HOMER3: variants seen among roughly 807,000 people sequenced by gnomAD.
HOMER3 encodes the protein homer scaffold protein 3, also known as homer protein homolog 3.
HOMER3 carries 34 observed loss-of-function variants against 45.5 expected under a neutral mutation model. That is an observed-to-expected ratio of 0.75 (90% CI 0.57 to 1.00). HOMER3 has a LOEUF of 1.00. Ranked by LOEUF, HOMER3 falls within the 50% of genes least tolerant of loss-of-function variation. HOMER3 has a pLI of 0.00. For missense variants in HOMER3, 480 were observed against 497.5 expected, an observed-to-expected ratio of 0.96 and a Z score of 0.33; for synonymous variants, 223 against 208.8, an observed-to-expected ratio of 1.07 and a Z score of -0.58.
In HOMER3 at chr19:18,938,887, G is replaced by A. The variant is rs1383028097; in HGVS notation, c.15-3C>T. Reference sequence around the variant, plus strand: ...GTGTGCTGAAGATTGGCTGCTCCCTGCGTGGGGAGAGGGTGTTTGGTGGGG... The same window carrying A: ...GTGTGCTGAAGATTGGCTGCTCCCTACGTGGGGAGAGGGTGTTTGGTGGGG... On this transcript the variant is annotated splice_polypyrimidine_tract_variant and splice_region_variant and intron_variant, in intron 2 of 9. Coordinates refer to ENST00000392351, the MANE Select transcript of HOMER3 (RefSeq NM_004838.4). The A allele has an allele frequency of 3.1e-6, 5 of 1,604,860 alleles. No individual in the cohort carries two copies. The highest frequency in any genetic ancestry group is 4.3e-6 in the Non-Finnish European group (5 of 1,175,928).
intron 9 of HOMER3, among the ~76,000 whole-genome samples, chr19:18,930,165 G>A (rs1041122438): frequency 5.3e-5 from 8 of 150,404 alleles, no homozygotes; most frequent in South Asian, 2.1e-4. Context: ...CAGGAGAATC[G>A]CTTGAGCTCA....
chr19:18,929,587 C>A lies in HOMER3; in HGVS notation c.942G>T (p.Met314Ile), dbSNP rs1255217279. The change falls in exon 10 of 10, where the codon ATG becomes ATT. Residue 314 changes from methionine to isoleucine, a missense_variant. Coordinates refer to ENST00000392351, the MANE Select transcript of HOMER3 (RefSeq NM_004838.4). ...CCCGTGCCTCCTCCAGGCTGCGCTC[C>A]ATCGCCCGCAGCTGGTGCTCCAACT... Reference protein sequence around the residue: ...NAELEHQLRAMERSLEEARAE... With the variant: ...NAELEHQLRAIERSLEEARAE... 8.4e-6 allele frequency: 13 copies of A among 1,541,556 alleles called. No individual in the cohort carries two copies. The East Asian group carries it at 2.9e-4, about 35-fold the overall frequency.
In HOMER3 at chr19:18,932,948, C is replaced by G; in HGVS notation, c.509G>C (p.Arg170Pro). The change falls in exon 6 of 10, where the codon CGG becomes CCG. Residue 170 changes from arginine (R) to proline (P), a missense_variant. By Grantham distance (103) the Arg-to-Pro change is moderately radical. Transcript: ENST00000392351. Reference protein sequence around the residue: ...ADAPGPTERERLKKMLSEGSV... With the variant: ...ADAPGPTEREPLKKMLSEGSV... Reference sequence around the variant, plus strand: ...CCCCTCAGACAACATCTTCTTTAGCCGCTCGCGCTCTGTGGGGCCGGGGGC... The same window carrying G: ...CCCCTCAGACAACATCTTCTTTAGCGGCTCGCGCTCTGTGGGGCCGGGGGC... The G allele has an allele frequency of 1.4e-6, 2 of 1,433,286 alleles. No individual in the cohort carries two copies. The highest frequency in any genetic ancestry group is 1.8e-6 in the Non-Finnish European group (2 of 1,090,014). 88.8% of individuals were successfully genotyped at this position (1,433,286 alleles called of 1,614,324 possible).
intron 9 of HOMER3, among the ~76,000 whole-genome samples, chr19:18,930,042 G>A (rs2057013747): frequency 6.6e-6 from 1 of 151,998 alleles, no homozygotes; most frequent in Admixed American, 6.6e-5. Context: ...CTGAGGTCAG[G>A]AGTTCAAGAC....
At position 18,932,023 on chromosome 19, in the gene HOMER3, G is replaced by T; in HGVS notation, c.643C>A (p.Gln215Lys). 6.5e-7 allele frequency: 1 copy of T among 1,549,018 alleles called. No homozygotes were observed. The highest frequency in any genetic ancestry group is 8.7e-7 in the Non-Finnish European group (1 of 1,147,348). Reference sequence around the variant, plus strand: ...TCTGCACGCTGAGCCTCCAGCTGCTGCCTCCACTGGGCTGCGGCGGCGTTG... The same window carrying T: ...TCTGCACGCTGAGCCTCCAGCTGCTTCCTCCACTGGGCTGCGGCGGCGTTG... ...EANAAAAQWR[Q>K]QLEAQRAEAE... Residue 215 changes from glutamine to lysine, a missense_variant, in exon 7 of 10, where the codon CAG becomes AAG. Coordinates refer to ENST00000392351, the MANE Select transcript of HOMER3 (RefSeq NM_004838.4).
At chr19:18,935,851 C>T (rs1335882658) in intron 4 of HOMER3, among the ~76,000 whole-genome samples, 1 of 151,020 alleles carries the variant, frequency 6.6e-6, no homozygotes, top group Non-Finnish European at 1.5e-5. Context: ...GAAACCCCAT[C>T]TCTACTAAAA....
chr19:18,937,856 G>A (rs1201080877), intron 4 of HOMER3, among the ~76,000 whole-genome samples: 2 of 152,010 alleles, frequency 1.3e-5, no homozygotes, highest in Non-Finnish European at 2.9e-5. Flanking sequence ...ATGTCCCAAA[G>A]AGGAGCAGGG....
intron 9 of HOMER3, 149 bp downstream of exon 9, chr19:18,931,176 G>A (rs971007987): frequency 3.1e-5 from 20 of 651,160 alleles, no homozygotes; most frequent in Non-Finnish European, 5.1e-5. Context: ...TGTACCAACA[G>A]CCACTGTTCA....
chr19:18,933,728 A>T (rs548734521), intron 5 of HOMER3, among the ~76,000 whole-genome samples: 14 of 151,460 alleles, frequency 9.2e-5, no homozygotes, highest in African/African-American at 3.4e-4. Flanking sequence ...TTTTTGAGAC[A>T]GAGTCACACT....
At chr19:18,939,219 C>G (rs2057128820) in intron 1 of HOMER3, 170 bp from the exon 2 acceptor site, 2 of 502,026 alleles carry the variant, frequency 4.0e-6, no homozygotes, top group African/African-American at 1.9e-5. Flanking sequence ...TCAGGAGGAT[C>G]CTTTGAGCCC....
At chr19:18,935,298 C>G (rs1026478491) in intron 4 of HOMER3, among the ~76,000 whole-genome samples, 58 of 152,146 alleles carry the variant, frequency 3.8e-4, no homozygotes, top group African/African-American at 1.3e-3. Context: ...TGCCACCACG[C>G]CCAGCTAATT....
rs771423300 is a variant in HOMER3 at position 18,933,032 on chromosome 19, G to A, written c.425C>T (p.Pro142Leu). The A allele has an allele frequency of 4.7e-6, 7 of 1,490,228 alleles. No homozygotes were observed. The highest frequency in any genetic ancestry group is 2.7e-5 in the East Asian group (1 of 36,854). 92.3% of individuals were successfully genotyped at this position (1,490,228 alleles called of 1,614,324 possible). ...GLASHQVPPS[P>L]LVSANGPGEE... is the part of the protein sequence containing the mutation. ...GCCGGGGCCGTTGGCACTGACGAGA[G>A]GGCTCGGGGGCACCTAGGCACGGGG... Residue 142 changes from proline (P) to leucine (L), a missense_variant, in exon 6 of 10, where the codon CCT (proline) becomes CTT (leucine). Pro to Leu is a moderately conservative substitution (Grantham distance 98). Coordinates refer to ENST00000392351, the MANE Select transcript of HOMER3 (RefSeq NM_004838.4).
chr19:18,933,945 A>C lies in HOMER3; in HGVS notation c.411+358T>G, dbSNP rs538067325. 5.5e-4 allele frequency among the ~76,000 whole-genome samples: 83 copies of C among 152,160 alleles called. No homozygotes were observed. The East Asian group carries it at 5.6e-3, about 10-fold the overall frequency. ...GGTCTCGAACTCTTGGCCTCAAGTC[A>C]TCCTCCCTCCTCAGCCTCCCAAATT... On this transcript the variant is annotated intron_variant, in intron 5 of 9. Transcript: ENST00000392351.
At position 18,929,649 on chromosome 19, in the gene HOMER3, T is replaced by A; in HGVS notation, c.895-15A>T. ...GTCTCCAGGTCCTGCCAGGAAAGGGTGGGCAGGGTTGGGGGCCCCAACAAA... is the reference window on the plus strand; with the variant it reads ...GTCTCCAGGTCCTGCCAGGAAAGGGAGGGCAGGGTTGGGGGCCCCAACAAA... On this transcript the variant is annotated splice_polypyrimidine_tract_variant and intron_variant, in intron 9 of 9. Transcript: ENST00000392351. 6.8e-7 allele frequency: 1 copy of A among 1,474,498 alleles called. No homozygotes were observed. The highest frequency in any genetic ancestry group is 1.3e-5 in the South Asian group (1 of 76,064). 91.3% of individuals were successfully genotyped at this position (1,474,498 alleles called of 1,614,324 possible).
intron 9 of HOMER3, among the ~76,000 whole-genome samples, 175 bp from the exon 10 acceptor site, chr19:18,929,809 T>TTTTGTTTG (rs200859659): frequency 6.6e-6 from 1 of 152,164 alleles, no homozygotes; most frequent in Middle Eastern, 3.2e-3. Flanking sequence ...CCCTCATTTC[T>TTTTGTTTG]TTTGTTTGTT....
rs200689130 is a variant in HOMER3, at chr19:18,938,826, G to A, written c.73C>T (p.Arg25Ter). The change falls in exon 3 of 10, where the codon CGA becomes TGA. Residue 25 changes from arginine to a stop codon, truncating the protein, a stop_gained. Transcript: ENST00000392351. LOFTEE classifies it high-confidence loss of function. ...HVFQIDPATK[R>*]NWIPAGKHAL... ...TGCTTGCCCGCTGGGATCCAGTTTC[G>A]CTTGGTGGCTGGGTCAATTTGGAAC... The A allele has an allele frequency of 5.0e-6, 8 of 1,600,804 alleles. No individual in the cohort carries two copies. Among genetic ancestry groups the A allele is most frequent in the Middle Eastern group, 1.7e-4 (1 of 6,050 alleles).
intron 3 of HOMER3, 74 bp downstream of exon 3, chr19:18,938,654 G>A (rs2057120348): frequency 6.5e-7 from 1 of 1,531,024 alleles, no homozygotes; most frequent in Non-Finnish European, 8.9e-7. Flanking sequence ...TGGGCACACA[G>A]CAAGCCAGCC....
chr19:18,934,649 T>C (rs1472839020), intron 4 of HOMER3, among the ~76,000 whole-genome samples: 1 of 152,246 alleles, frequency 6.6e-6, no homozygotes, highest in Middle Eastern at 3.4e-3. Flanking sequence ...GGAATTCCCA[T>C]GTCCTCTTTT....
intron 4 of HOMER3, among the ~76,000 whole-genome samples, chr19:18,936,834 CA>C (rs539296959): frequency 3.9e-4 from 59 of 150,746 alleles, no homozygotes; most frequent in African/African-American, 1.4e-3. Context: ...ATTAAAAATA[CA>C]AAAAAAATTA....
Sources: allele counts gnomAD v4.1 joint callset (sites outside exome capture counted in the v4.1 genomes callset), GRCh38; gene constraint gnomAD v4.1.1; transcripts MANE v1.5; gene names NCBI Gene and HGNC (gene_info 2026-07-23, HGNC 2026-07-21).